TMCC1: variants seen among roughly 807,000 people sequenced by gnomAD.
TMCC1 encodes the protein transmembrane and coiled-coil domain family 1, also known as transmembrane and coiled-coil domains protein 1.
Under a neutral mutation model 52.4 loss-of-function variants are expected in TMCC1, and 15 were observed. That is an observed-to-expected ratio of 0.29 (90% CI 0.19 to 0.44). TMCC1 has a LOEUF of 0.44. Among genes scored for constraint, TMCC1 ranks in the 20% least tolerant of loss-of-function variants. The pLI is 1.00. For missense variants in TMCC1, 503 were observed against 806.0 expected, an observed-to-expected ratio of 0.62 and a Z score of 4.55; for synonymous variants, 279 against 301.9, an observed-to-expected ratio of 0.92 and a Z score of 0.79.
chr3:129,827,838 C>T lies in TMCC1; in HGVS notation c.541G>A (p.Ala181Thr), dbSNP rs2058723470. Residue 181 changes from alanine to threonine, a missense_variant, in exon 4 of 7, where the codon GCA becomes ACA. Around this residue, in one of 7 missense-constraint regions of TMCC1, gnomAD observed 217 missense variants for 297.9 expected, o/e 0.73. Coordinates refer to ENST00000393238, the MANE Select transcript of TMCC1 (RefSeq NM_001017395.5). ...IACAAAAAAA[A>T]CLPGEEGTAE... ...GTTCCCTCCTCTCCTGGTAGACATG[C>T]AGCAGCAGCAGCAGCAGCAGCACAA... The T allele has an allele frequency of 1.3e-6, 2 of 1,485,540 alleles. No individual in the cohort carries two copies. The highest frequency in any genetic ancestry group is 4.6e-5 in the East Asian group (2 of 43,850). The allele number at this position is 1,485,540 out of a possible 1,614,324, so 92.0% of individuals were successfully genotyped here.
In TMCC1 at chr3:129,816,761, T is replaced by A. The variant is rs1033669923; in HGVS notation, c.576+11042A>T. Among the ~76,000 whole-genome samples the A allele has an allele frequency of 4.6e-5, 7 of 152,300 alleles. No homozygotes were observed. The South Asian group carries it at 1.2e-3, about 27-fold the overall frequency. On this transcript the variant is annotated intron_variant, in intron 4 of 6. Transcript: ENST00000393238. ...AGACAAGGCCAGGCATAATGGCTCA[T>A]GCTTGTAATCCTAACACTTTAGGAG...
Position 129,828,538 on chromosome 3 carries a change from CA to C in TMCC1, c.-130-31del, listed in dbSNP as rs952733926. On this transcript the variant is annotated intron_variant, in intron 3 of 6. Coordinates refer to ENST00000393238, the MANE Select transcript of TMCC1 (RefSeq NM_001017395.5). The surrounding 1 kb of genome is among the most constrained non-coding windows in gnomAD (Gnocchi z 4.1). ...TGTTAAAAACAAAAAAACAAAAAAA[CA>C]AAAAAAAAACCTTATATTATAAATC... The C allele has an allele frequency of 1.1e-3, 623 of 544,226 alleles. No homozygotes were observed. Among genetic ancestry groups the C allele is most frequent in the South Asian group, 2.0e-3 (64 of 32,578 alleles). The allele number at this position is 544,226 out of a possible 1,614,324, so 33.7% of individuals were successfully genotyped here. A position where few individuals can be genotyped will look rare whatever the true frequency, so the allele number is the denominator to read the frequency against.
At chr3:129,663,906 T>C (rs569888428) in intron 5 of TMCC1, among the ~76,000 whole-genome samples, 2 of 152,292 alleles carry the variant, frequency 1.3e-5, no homozygotes, top group Admixed American at 1.3e-4. Context: ...AACAACCATG[T>C]ACAATAAATA....
chr3:129,818,491 GAAA>G lies in TMCC1; in HGVS notation c.576+9309_576+9311del, dbSNP rs2058232313. Among the ~76,000 whole-genome samples the G allele has an allele frequency of 4.3e-5, 3 of 69,112 alleles. 1 individual carries two copies. The highest frequency in any genetic ancestry group is 2.3e-4 in the African/African-American group (3 of 13,258). 45.3% of individuals were successfully genotyped at this position (69,112 alleles called of 152,430 possible). A position where few individuals can be genotyped will look rare whatever the true frequency, so the allele number is the denominator to read the frequency against. The stretch of plus-strand genomic sequence containing the variant: ...GAAAAGTTTTAAAGAAACTTTTAAA[GAAA>G]AGTTTTAAAGAAACTTTTAAAGAAA... On this transcript the variant is annotated intron_variant, in intron 4 of 6. Transcript: ENST00000393238.
intron 4 of TMCC1, among the ~76,000 whole-genome samples, chr3:129,702,618 T>C (rs1457482327): frequency 6.6e-6 from 1 of 152,148 alleles, no homozygotes; most frequent in Non-Finnish European, 1.5e-5. Flanking sequence ...CCTTAGTTGA[T>C]AGCTCTTTTA....
In TMCC1 at chr3:129,738,240, C is replaced by T. The variant is rs565035095; in HGVS notation, c.577-66976G>A. On this transcript the variant is annotated intron_variant, in intron 4 of 6. Transcript: ENST00000393238. ...GAGCCGAGATTGTGCCATTGTACTC[C>T]GGCCTGGGCAACAGAGTGAGACTCC... Among the ~76,000 whole-genome samples the T allele has an allele frequency of 4.0e-3, 541 of 135,020 alleles. 3 individuals carry two copies. Among genetic ancestry groups the T allele is most frequent in the Non-Finnish European group, 6.0e-3 (395 of 65,394 alleles). The allele number at this position is 135,020 out of a possible 152,430, so 88.6% of individuals were successfully genotyped here. A position where few individuals can be genotyped will look rare whatever the true frequency, so the allele number is the denominator to read the frequency against.
At chr3:129,789,756 A>G (rs1467164378) in intron 4 of TMCC1, among the ~76,000 whole-genome samples, 1 of 152,198 alleles carries the variant, frequency 6.6e-6, no homozygotes, top group Non-Finnish European at 1.5e-5. Flanking sequence ...CTGGGATTAC[A>G]GGCGTGAGCC....
chr3:129,861,875 A>G (rs1042035861), intron 2 of TMCC1, among the ~76,000 whole-genome samples: 2 of 152,232 alleles, frequency 1.3e-5, no homozygotes, highest in African/African-American at 4.8e-5. Context: ...CTAGGCATAT[A>G]TGTATAGTTC....
rs548803846 is a variant in TMCC1, at chr3:129,752,230, G to T, written c.576+75573C>A. 3.3e-5 allele frequency among the ~76,000 whole-genome samples: 5 copies of T among 152,288 alleles called. No individual in the cohort carries two copies. In the East Asian group the frequency reaches 9.6e-4, roughly 29 times the overall value. ...CCCTCACTCTCTGAATGAGCGAGCTGTGACCTTATCTCTTCCCTTTATGGA... is the reference window on the plus strand; with the variant it reads ...CCCTCACTCTCTGAATGAGCGAGCTTTGACCTTATCTCTTCCCTTTATGGA... On this transcript the variant is annotated intron_variant, in intron 4 of 6. Transcript: ENST00000393238.
chr3:129,876,536 A>C (rs533665148), intron 2 of TMCC1, among the ~76,000 whole-genome samples: 1 of 152,060 alleles, frequency 6.6e-6, no homozygotes, highest in African/African-American at 2.4e-5. Context: ...GCTCATGCCT[A>C]TAATCTCAGC....
At chr3:129,668,419 G>A (rs925457796) in intron 5 of TMCC1, among the ~76,000 whole-genome samples, 1 of 152,134 alleles carries the variant, frequency 6.6e-6, no homozygotes, top group Non-Finnish European at 1.5e-5. Flanking sequence ...CTATTTCTAT[G>A]TTAGGGATGT....
intron 4 of TMCC1, among the ~76,000 whole-genome samples, chr3:129,791,242 C>T (rs377290696): frequency 9.2e-5 from 14 of 151,840 alleles, no homozygotes; most frequent in African/African-American, 3.1e-4. Flanking sequence ...TACAGGCACC[C>T]GCCACCACGT....
At position 129,869,753 on chromosome 3, in the gene TMCC1, T is replaced by C. The variant is rs932375171; in HGVS notation, c.-184+10556A>G. Reference sequence around the variant, plus strand: ...ACTTACCTTGATGCACATGTACAAATAGAAAACCCAAAAATGTAAGCAATG... The same window carrying C: ...ACTTACCTTGATGCACATGTACAAACAGAAAACCCAAAAATGTAAGCAATG... On this transcript the variant is annotated intron_variant, in intron 2 of 6. Coordinates refer to ENST00000393238, the MANE Select transcript of TMCC1 (RefSeq NM_001017395.5). Among the ~76,000 whole-genome samples, 6 of 152,300 alleles carry C rather than the reference T, an allele frequency of 3.9e-5. No individual in the cohort carries two copies. In the South Asian group the frequency reaches 1.0e-3, roughly 26 times the overall value.
chr3:129,836,439 G>A (rs982452729), intron 2 of TMCC1, among the ~76,000 whole-genome samples: 2 of 152,120 alleles, frequency 1.3e-5, no homozygotes, highest in Non-Finnish European at 2.9e-5. Flanking sequence ...TACAAAAATT[G>A]ACCATATGTT....
rs1223278010 is a variant in TMCC1 at position 129,651,707 on chromosome 3, T to C, written c.1736A>G (p.Asn579Ser). 1 of 1,614,212 alleles carries C rather than the reference T, an allele frequency of 6.2e-7. No individual in the cohort carries two copies. Among genetic ancestry groups the C allele is most frequent in the South Asian group, 1.1e-5 (1 of 91,082 alleles). Residue 579 changes from asparagine (N) to serine (S), a missense_variant, in exon 7 of 7, where the codon AAT (asparagine) becomes AGT (serine). Around this residue, in one of 7 missense-constraint regions of TMCC1, gnomAD observed 121 missense variants for 193.6 expected, o/e 0.62. Transcript: ENST00000393238. The surrounding 1 kb of genome is among the most constrained non-coding windows in gnomAD (Gnocchi z 5.1). ...QQVVQLEGLENATARNLLGKL... is the reference protein window; with the variant it reads ...QQVVQLEGLESATARNLLGKL... ...GCCCAGAAGGTTCCGGGCAGTGGCA[T>C]TCTCCAGCCCTTCTAGCTGCACCAC...
intron 4 of TMCC1, among the ~76,000 whole-genome samples, chr3:129,728,129 A>G (rs13099571): frequency 0.97 from 147,379 of 152,280 alleles, 71,488 homozygotes; most frequent in Non-Finnish European, 1. Context: ...TGACAGGCAC[A>G]CTATATGGGA....
chr3:129,828,458 G>T lies in TMCC1; in HGVS notation c.-80C>A. ...AGAGTGTCAAATTAGGTAGGCATTT[G>T]CTTCAACAGTGACTACGCATGCAGC... On this transcript the variant is annotated 5_prime_UTR_variant, in exon 4 of 7. Coordinates refer to ENST00000393238, the MANE Select transcript of TMCC1 (RefSeq NM_001017395.5). The surrounding 1 kb of genome is among the most constrained non-coding windows in gnomAD (Gnocchi z 4.1). 7.4e-7 allele frequency: 1 copy of T among 1,357,230 alleles called. No homozygotes were observed. The highest frequency in any genetic ancestry group is 1.0e-6 in the Non-Finnish European group (1 of 978,882). The allele number at this position is 1,357,230 out of a possible 1,614,324, so 84.1% of individuals were successfully genotyped here. A position where few individuals can be genotyped will look rare whatever the true frequency, so the allele number is the denominator to read the frequency against.
intron 4 of TMCC1, among the ~76,000 whole-genome samples, chr3:129,750,757 A>G (rs1254081070): frequency 6.7e-6 from 1 of 149,652 alleles, no homozygotes; most frequent in Non-Finnish European, 1.5e-5. Context: ...TTGTATTTTT[A>G]GTAGAGATGG....
At chr3:129,773,531 AT>A (rs1484975779) in intron 4 of TMCC1, among the ~76,000 whole-genome samples, 7 of 152,236 alleles carry the variant, frequency 4.6e-5, no homozygotes, top group African/African-American at 1.7e-4. Context: ...ATAAAGCCAA[AT>A]TTAAGCAAAA....
Sources: allele counts gnomAD v4.1 joint callset (sites outside exome capture counted in the v4.1 genomes callset), GRCh38; gene constraint gnomAD v4.1.1; regional missense constraint gnomAD v4.1.1; non-coding constraint Gnocchi (gnomAD v3.1); transcripts MANE v1.5; gene names NCBI Gene and HGNC (gene_info 2026-07-23, HGNC 2026-07-21).